Variants in SLIT3 observed in about 807,000 individuals in gnomAD.
SLIT3 encodes the protein slit homolog 3 protein.
SLIT3 carries 68 observed loss-of-function variants against 184.0 expected under a neutral mutation model. That is an observed-to-expected ratio of 0.37 (90% CI 0.30 to 0.45). The LOEUF (loss-of-function observed/expected upper bound fraction) is 0.45. Among genes scored for constraint, SLIT3 ranks in the 20% least tolerant of loss-of-function variants. The pLI is 1.00. For missense variants in SLIT3, 1,707 were observed against 2,026.0 expected, an observed-to-expected ratio of 0.84 and a Z score of 3.02; for synonymous variants, 831 against 828.6, an observed-to-expected ratio of 1.00 and a Z score of -0.05.
chr5:169,191,019 T>C (rs994304536), intron 4 of SLIT3, among the ~76,000 whole-genome samples: 5 of 152,218 alleles, frequency 3.3e-5, no homozygotes, highest in Non-Finnish European at 7.3e-5. Context: ...CTCTCAGCTT[T>C]TTGGCAGCCA....
intron 6 of SLIT3, among the ~76,000 whole-genome samples, chr5:168,835,776 A>C (rs570243356): frequency 1.3e-5 from 2 of 150,318 alleles, no homozygotes; most frequent in Admixed American, 6.6e-5. Flanking sequence ...CCACCACTGC[A>C]CTCCAGCCTG....
chr5:169,206,084 A>G (rs1003992865), intron 3 of SLIT3, among the ~76,000 whole-genome samples: 3 of 152,232 alleles, frequency 2.0e-5, no homozygotes, highest in African/African-American at 7.2e-5. Flanking sequence ...CCCAAAAGCT[A>G]ACTTTCTCTT....
At chr5:169,058,672 T>G (rs1244512231) in intron 4 of SLIT3, among the ~76,000 whole-genome samples, 1 of 152,256 alleles carries the variant, frequency 6.6e-6, no homozygotes, top group Non-Finnish European at 1.5e-5. Context: ...AATGCTTTCC[T>G]GTGAGGGGAC....
chr5:169,112,369 T>C (rs530312219), intron 4 of SLIT3, among the ~76,000 whole-genome samples: 1 of 152,332 alleles, frequency 6.6e-6, no homozygotes, highest in African/African-American at 2.4e-5. Context: ...TCTTGGCTGC[T>C]TGATCTTGGG....
intron 4 of SLIT3, among the ~76,000 whole-genome samples, chr5:169,073,719 C>T (rs955542560): frequency 7.2e-5 from 11 of 152,032 alleles, no homozygotes; most frequent in African/African-American, 2.7e-4. Context: ...GGCACCTCCC[C>T]ACAACCTTGC....
chr5:169,182,686 C>T lies in SLIT3; in HGVS notation c.413+10793G>A, dbSNP rs12653232. 0.017 allele frequency among the ~76,000 whole-genome samples: 2,638 copies of T among 152,306 alleles called. 160 individuals carry two copies. The East Asian group carries it at 0.22, about 13-fold the overall frequency. On this transcript the variant is annotated intron_variant, in intron 4 of 35. Coordinates refer to ENST00000519560, the MANE Select transcript of SLIT3 (RefSeq NM_003062.4). ...AAGATTATTGATGTGGGTACATTTGCATCTTTCAGACAACTGAAGAATGTG... is the reference window on the plus strand; with the variant it reads ...AAGATTATTGATGTGGGTACATTTGTATCTTTCAGACAACTGAAGAATGTG...
chr5:168,806,399 G>C, intron 9 of SLIT3, 47 bp downstream of exon 9: 3 of 1,610,034 alleles, frequency 1.9e-6, no homozygotes, highest in Non-Finnish European at 2.5e-6. Flanking sequence ...ACAGGGAGCT[G>C]AATTCTCCGG....
intron 4 of SLIT3, among the ~76,000 whole-genome samples, chr5:168,943,151 G>A (rs1037109281): frequency 6.6e-6 from 1 of 152,106 alleles, no homozygotes; most frequent in African/African-American, 2.4e-5. Flanking sequence ...AAGGAGCTGG[G>A]GCACTTATTC....
chr5:168,896,567 C>G (rs1413350437), intron 4 of SLIT3, among the ~76,000 whole-genome samples: 1 of 152,174 alleles, frequency 6.6e-6, no homozygotes, highest in African/African-American at 2.4e-5. Context: ...TTCCATTTGG[C>G]CTGTCATGCC....
At chr5:168,769,389 C>A (rs1755463367) in intron 14 of SLIT3, among the ~76,000 whole-genome samples, 1 of 152,144 alleles carries the variant, frequency 6.6e-6, no homozygotes, top group Non-Finnish European at 1.5e-5. Flanking sequence ...ACATGAGAAC[C>A]AGTATCAACA....
chr5:168,747,804 T>A (rs1240512761), intron 20 of SLIT3, among the ~76,000 whole-genome samples: 2 of 152,066 alleles, frequency 1.3e-5, no homozygotes, highest in Non-Finnish European at 2.9e-5. Context: ...TAAGACCTCA[T>A]CTGTAAAATG....
intron 16 of SLIT3, among the ~76,000 whole-genome samples, chr5:168,758,778 G>A (rs1284936807): frequency 6.6e-6 from 1 of 152,206 alleles, no homozygotes; most frequent in Non-Finnish European, 1.5e-5. Context: ...TTTGTCTACA[G>A]GGAACTGATG....
At chr5:169,180,745 C>T (rs1036239312) in intron 4 of SLIT3, among the ~76,000 whole-genome samples, 1 of 152,192 alleles carries the variant, frequency 6.6e-6, no homozygotes, top group Non-Finnish European at 1.5e-5. Context: ...TGATCTCCCA[C>T]CTTTCACTCT....
intron 20 of SLIT3, among the ~76,000 whole-genome samples, chr5:168,739,606 A>G (rs1014683533): frequency 2.0e-5 from 3 of 151,552 alleles, no homozygotes; most frequent in African/African-American, 7.3e-5. Context: ...AGGCGCCCAC[A>G]ACCACGTCTG....
intron 4 of SLIT3, among the ~76,000 whole-genome samples, chr5:169,083,064 C>G (rs1211813718): frequency 6.6e-6 from 1 of 152,150 alleles, no homozygotes; most frequent in Non-Finnish European, 1.5e-5. Flanking sequence ...AGAATTTGGT[C>G]TTAGTTGCTG....
chr5:168,998,893 CTGTGTGTGTGTGTGTGTGTGTG>C (rs71575505), intron 4 of SLIT3, among the ~76,000 whole-genome samples: 5,291 of 143,280 alleles, frequency 0.037, 117 homozygotes, highest in Middle Eastern at 0.052. Context: ...ACCCAGAAAT[CTGTGTGTGTGTGTGTGTGTGTG>C]TGTGTGTGTG....
intron 4 of SLIT3, among the ~76,000 whole-genome samples, chr5:169,121,670 A>C (rs540351296): frequency 6.6e-6 from 1 of 152,258 alleles, no homozygotes; most frequent in South Asian, 2.1e-4. Flanking sequence ...GGAGGCATTT[A>C]TGACAGAGAG....
intron 20 of SLIT3, among the ~76,000 whole-genome samples, chr5:168,733,230 A>G (rs1013147489): frequency 2.0e-5 from 3 of 152,192 alleles, no homozygotes; most frequent in African/African-American, 7.2e-5. Context: ...AATCAGAACC[A>G]CAGTGAGATA....
At chr5:169,118,806 A>C (rs992281960) in intron 4 of SLIT3, among the ~76,000 whole-genome samples, 1 of 152,182 alleles carries the variant, frequency 6.6e-6, no homozygotes, top group Admixed American at 6.5e-5. Flanking sequence ...TTTCACCTGG[A>C]GTGGCACTGA....
Sources: gnomAD v4.1 joint callset for allele counts (sites outside exome capture counted in the v4.1 genomes callset) on GRCh38, gnomAD v4.1.1 for gene constraint, MANE v1.5 for transcripts, NCBI Gene and HGNC (gene_info 2026-07-23, HGNC 2026-07-21) for gene names.